Variants in MAP3K7CL observed in about 807,000 individuals in gnomAD.
MAP3K7CL encodes MAP3K7 C-terminal-like protein.
Under a neutral mutation model 18.6 loss-of-function variants are expected in MAP3K7CL, and 16 were observed. The observed-to-expected ratio is 0.86, with a 90% confidence interval of 0.58 to 1.31. The LOEUF (loss-of-function observed/expected upper bound fraction) is 1.31. Among genes scored for constraint, MAP3K7CL ranks in the 50% most tolerant of loss-of-function variants. MAP3K7CL has a pLI of 0.00. For synonymous variants in MAP3K7CL, 65 were observed against 66.8 expected (o/e 0.97, Z 0.13); for missense variants, 163 against 174.4 (o/e 0.93, Z 0.37).
At chr21:29,137,716 C>T (rs575352356) in intron 2 of MAP3K7CL, among the ~76,000 whole-genome samples, 5 of 152,082 alleles carry the variant, frequency 3.3e-5, no homozygotes, top group African/African-American at 4.8e-5. Flanking sequence ...TGTTGTCTAC[C>T]GAGCCCTGCT....
rs532144517 is a variant in MAP3K7CL at position 29,123,766 on chromosome 21, T to G, written c.371-25423T>G. Among the ~76,000 whole-genome samples, 3 of 152,262 alleles carry G rather than the reference T, an allele frequency of 2.0e-5. No individual in the cohort carries two copies. The East Asian group carries it at 5.8e-4, about 29-fold the overall frequency. On this transcript the variant is annotated intron_variant, in intron 4 of 6. Transcript: ENST00000286791. The stretch of plus-strand genomic sequence containing the variant: ...GTGGTGGTGGTTGTTGGTGTGATGG[T>G]GCTATTTGGTTCTGTTAATGAAGAG...
chr21:29,113,899 G>A (rs1253497873), intron 4 of MAP3K7CL, among the ~76,000 whole-genome samples: 1 of 152,144 alleles, frequency 6.6e-6, no homozygotes, highest in African/African-American at 2.4e-5. Flanking sequence ...GGTCTGCACT[G>A]GGCGAGGGCA....
At chr21:29,119,617 C>T (rs1025764218) in intron 4 of MAP3K7CL, among the ~76,000 whole-genome samples, 2 of 151,330 alleles carry the variant, frequency 1.3e-5, no homozygotes, top group African/African-American at 2.4e-5. Flanking sequence ...TTTTGAAAAA[C>T]GTGCATGGGA....
At chr21:29,083,588 G>T (rs780648948), upstream of MAP3K7CL, among the ~76,000 whole-genome samples, 4 of 151,988 alleles carry the variant, frequency 2.6e-5, no homozygotes, top group Non-Finnish European at 4.4e-5. Context: ...TGGCCGCTAT[G>T]AATCTTCCAA....
chr21:29,138,386 A>C (rs1379337051), intron 2 of MAP3K7CL, among the ~76,000 whole-genome samples: 1 of 152,242 alleles, frequency 6.6e-6, no homozygotes, highest in Non-Finnish European at 1.5e-5. Flanking sequence ...TAATTTTCTT[A>C]ATAGAAAAAG....
chr21:29,134,662 G>A (rs1422132285), intron 2 of MAP3K7CL, among the ~76,000 whole-genome samples: 3 of 152,138 alleles, frequency 2.0e-5, no homozygotes, highest in Non-Finnish European at 4.4e-5. Flanking sequence ...CTCCCAACAG[G>A]CAAATCAATC....
chr21:29,167,641 G>C (rs916992170), intron 4 of MAP3K7CL, among the ~76,000 whole-genome samples: 1 of 151,952 alleles, frequency 6.6e-6, no homozygotes, highest in African/African-American at 2.4e-5. Context: ...AGATTCGGGA[G>C]GGAGAGGGTG....
intron 1 of MAP3K7CL, among the ~76,000 whole-genome samples, chr21:29,089,410 A>G (rs1188361019): frequency 1.3e-5 from 2 of 152,228 alleles, no homozygotes; most frequent in African/African-American, 2.4e-5. Context: ...ATTATTATCT[A>G]TCTCACATAC....
At chr21:29,078,926 T>C (rs2085793067) in intron 1 of MAP3K7CL, among the ~76,000 whole-genome samples, 3 of 152,200 alleles carry the variant, frequency 2.0e-5, no homozygotes, top group Non-Finnish European at 4.4e-5. Flanking sequence ...GACACTTTTT[T>C]AGAATCAGAC....
intron 4 of MAP3K7CL, among the ~76,000 whole-genome samples, chr21:29,112,854 ACT>A (rs1204566165): frequency 2.0e-5 from 3 of 147,788 alleles, no homozygotes; most frequent in Non-Finnish European, 3.0e-5. Flanking sequence ...ATGGAGTCTC[ACT>A]CTGTTTCCCA....
intron 4 of MAP3K7CL, among the ~76,000 whole-genome samples, chr21:29,111,837 A>G (rs1337240189): frequency 6.6e-6 from 1 of 152,154 alleles, no homozygotes; most frequent in Middle Eastern, 3.2e-3. Context: ...TTTTGTGAAT[A>G]CTGTGTTGCA....
chr21:29,168,229 A>G (rs2087740023), intron 4 of MAP3K7CL, among the ~76,000 whole-genome samples: 3 of 152,214 alleles, frequency 2.0e-5, no homozygotes, highest in South Asian at 4.1e-4. Flanking sequence ...TAATGTGGGG[A>G]AAAGTTCTAT....
intron 3 of MAP3K7CL, among the ~76,000 whole-genome samples, chr21:29,151,413 G>T (rs2087272035): frequency 6.6e-6 from 1 of 151,998 alleles, no homozygotes; most frequent in African/African-American, 2.4e-5. Context: ...GCCCAAGGTT[G>T]CTGTGAGCCA....
intron 4 of MAP3K7CL, among the ~76,000 whole-genome samples, chr21:29,096,590 G>T (rs1481286053): frequency 6.6e-5 from 10 of 152,244 alleles, no homozygotes; most frequent in Admixed American, 6.5e-4. Flanking sequence ...TGACCAGATT[G>T]TGTTCAAGTA....
At chr21:29,140,539 C>T (rs1461984548) in intron 2 of MAP3K7CL, among the ~76,000 whole-genome samples, 2 of 152,156 alleles carry the variant, frequency 1.3e-5, no homozygotes, top group Non-Finnish European at 2.9e-5. Context: ...GGTTCAAAGC[C>T]CGGTCCTCAG....
intron 1 of MAP3K7CL, among the ~76,000 whole-genome samples, chr21:29,086,620 A>T (rs2085929919): frequency 6.6e-6 from 1 of 152,208 alleles, no homozygotes. Flanking sequence ...CATTGATAAT[A>T]AAGCTGATGG....
intron 4 of MAP3K7CL, among the ~76,000 whole-genome samples, chr21:29,120,655 CTTTTCTTTCTTTCT>C (rs1009022494): frequency 7.7e-5 from 11 of 143,676 alleles, no homozygotes; most frequent in South Asian, 6.7e-4. Context: ...GTTTGAGTCT[CTTTTCTTTCTTTCT>C]TTTTCTTTCT....
chr21:29,174,952 T>C lies in MAP3K7CL; in HGVS notation c.*60T>C. The C allele has an allele frequency of 4.7e-6, 7 of 1,492,586 alleles. No homozygotes were observed. The highest frequency in any genetic ancestry group is 6.3e-6 in the Non-Finnish European group (7 of 1,103,686). The allele number at this position is 1,492,586 out of a possible 1,614,324, so 92.5% of individuals were successfully genotyped here. On this transcript the variant is annotated 3_prime_UTR_variant, in exon 5 of 5. Transcript: ENST00000399928. ...TGACTGCCCTGTGCTGGCCAAAAGA[T>C]TTTTATTTTAAATGAATAGTGAGTC...
upstream of MAP3K7CL, chr21:29,085,847 T>G (rs1239640785): frequency 1.2e-6 from 2 of 1,614,020 alleles, no homozygotes. Flanking sequence ...ATTACTGTCA[T>G]GCAAAGCGAC....
Sources: allele counts gnomAD v4.1 joint callset (sites outside exome capture counted in the v4.1 genomes callset), GRCh38; gene constraint gnomAD v4.1.1; transcripts MANE v1.5; gene names NCBI Gene and HGNC (gene_info 2026-07-23, HGNC 2026-07-21).